The following COBL variants were observed in gnomAD, a reference collection of about 807,000 sequenced individuals.
The protein encoded by COBL is cordon-bleu WH2 repeat protein, also known as protein cordon-bleu.
In COBL, 51 loss-of-function variants were observed where a neutral mutation model predicts 98.8. The observed-to-expected ratio is 0.52, with a 90% CI of 0.41 to 0.65. The LOEUF (loss-of-function observed/expected upper bound fraction) is 0.65. Among genes scored for constraint, COBL ranks in the 30% least tolerant of loss-of-function variants. COBL has a pLI of 0.00. For synonymous variants in COBL, 634 were observed against 651.7 expected, an observed-to-expected ratio of 0.97 and a Z score of 0.41; for missense variants, 1,617 against 1,617.5, an observed-to-expected ratio of 1.00 and a Z score of 0.01.
chr7:51,073,535 T>C (rs1792770868), intron 7 of COBL: 2 of 452,694 alleles, frequency 4.4e-6, no homozygotes, highest in African/African-American at 4.0e-5. Flanking sequence ...GTTTTCTTCC[T>C]TTCCATTTAG....
chr7:51,303,319 G>A (rs1236111071), intron 1 of COBL, among the ~76,000 whole-genome samples: 2 of 152,122 alleles, frequency 1.3e-5, no homozygotes, highest in Non-Finnish European at 2.9e-5. Flanking sequence ...CCAGCCCTCT[G>A]GGAGGCCAAG....
At chr7:51,202,572 C>T (rs765001687) in intron 2 of COBL, among the ~76,000 whole-genome samples, 1 of 152,064 alleles carries the variant, frequency 6.6e-6, no homozygotes, top group Non-Finnish European at 1.5e-5. Flanking sequence ...GACTACGGTA[C>T]ATGGAAACTA....
chr7:51,305,739 T>TGA (rs1324523908), intron 1 of COBL, among the ~76,000 whole-genome samples: 1 of 152,130 alleles, frequency 6.6e-6, no homozygotes, highest in Non-Finnish European at 1.5e-5. Flanking sequence ...GCTTAAAACA[T>TGA]TGTACTCGAT....
intron 6 of COBL, among the ~76,000 whole-genome samples, chr7:51,106,853 A>G (rs751411526): frequency 1.6e-5 from 2 of 128,600 alleles, no homozygotes; most frequent in African/African-American, 2.9e-5. Flanking sequence ...AGGAGAAACA[A>G]AAGTTGCTGT....
At chr7:51,300,639 G>A (rs1302867150) in intron 1 of COBL, among the ~76,000 whole-genome samples, 1 of 152,180 alleles carries the variant, frequency 6.6e-6, no homozygotes, top group East Asian at 1.9e-4. Context: ...GCAGGAACGC[G>A]GTCTGGGGCT....
chr7:51,137,587 T>TAAA (rs35391666), intron 5 of COBL, among the ~76,000 whole-genome samples: 4 of 145,616 alleles, frequency 2.7e-5, no homozygotes, highest in Non-Finnish European at 6.0e-5. Flanking sequence ...CCCACTTCTT[T>TAAA]AAAAAAAAAA....
chr7:51,159,938 G>A (rs1356587078), intron 5 of COBL, among the ~76,000 whole-genome samples: 2 of 152,156 alleles, frequency 1.3e-5, no homozygotes, highest in Non-Finnish European at 2.9e-5. Context: ...TGTTGCCCAG[G>A]CTGGAGTGCA....
chr7:51,286,135 A>G (rs926404792), intron 1 of COBL, among the ~76,000 whole-genome samples: 2 of 152,196 alleles, frequency 1.3e-5, no homozygotes, highest in Admixed American at 1.3e-4. Flanking sequence ...ATGGAAAAGT[A>G]AAGGTATAAA....
rs760161537 is a variant in COBL, at chr7:51,029,564, G to C, written c.1532C>G (p.Thr511Ser). 1 of 1,603,574 alleles carries C rather than the reference G, an allele frequency of 6.2e-7. No individual in the cohort carries two copies. Among genetic ancestry groups the C allele is most frequent in the African/African-American group, 1.3e-5 (1 of 74,858 alleles). Residue 511 changes from threonine (T) to serine (S), a missense_variant, in exon 10 of 13, where the codon ACC (threonine) becomes AGC (serine). Thr to Ser is a moderately conservative substitution (Grantham distance 58). Around this residue, in one of 3 missense-constraint regions of COBL, gnomAD observed 1,304 missense variants for 1,282.0 expected, o/e 1.02. Transcript: ENST00000265136. ...ATGGATGGAGCTGGTGAGGGAGCTGGTGTCTGTTTCATAGCTGTCTTCCAT... is the reference window on the plus strand; with the variant it reads ...ATGGATGGAGCTGGTGAGGGAGCTGCTGTCTGTTTCATAGCTGTCTTCCAT... ...EEMEDSYETD[T>S]SSLTSSIHGA...
intron 9 of COBL, among the ~76,000 whole-genome samples, 160 bp from the exon 10 acceptor site, chr7:51,029,751 G>A (rs1787972000): frequency 1.3e-5 from 2 of 152,196 alleles, no homozygotes; most frequent in Middle Eastern, 3.4e-3. Context: ...ATATGCCTGG[G>A]GCCAGAAGCT....
intron 5 of COBL, among the ~76,000 whole-genome samples, chr7:51,156,879 A>G (rs1444180599): frequency 1.3e-5 from 2 of 152,274 alleles, no homozygotes; most frequent in East Asian, 3.9e-4. Context: ...GGTGCCCCTA[A>G]GCTGGATTCC....
chr7:51,049,976 G>C (rs1012556119), intron 7 of COBL, among the ~76,000 whole-genome samples: 1 of 152,136 alleles, frequency 6.6e-6, no homozygotes, highest in African/African-American at 2.4e-5. Context: ...AAGTTTGCCT[G>C]TTCATTCCTT....
intron 6 of COBL, among the ~76,000 whole-genome samples, chr7:51,090,821 T>C (rs1414098042): frequency 1.3e-5 from 2 of 152,234 alleles, no homozygotes; most frequent in Non-Finnish European, 2.9e-5. Flanking sequence ...TGAAATACTA[T>C]GGATGACTGA....
Position 51,155,201 on chromosome 7 carries a change from T to C in COBL, c.784-18870A>G, listed in dbSNP as rs547339391. Reference sequence around the variant, plus strand: ...GACACAGCCAAACCAATTACCAATATATGGCTGCAAAGACAGGATCAGAAG... The same window carrying C: ...GACACAGCCAAACCAATTACCAATACATGGCTGCAAAGACAGGATCAGAAG... On this transcript the variant is annotated intron_variant, in intron 5 of 12. Coordinates refer to ENST00000265136, the MANE Select transcript of COBL (RefSeq NM_015198.5). Among the ~76,000 whole-genome samples the C allele has an allele frequency of 2.0e-5, 3 of 152,214 alleles. No homozygotes were observed. The South Asian group carries it at 6.2e-4, about 32-fold the overall frequency.
intron 1 of COBL, among the ~76,000 whole-genome samples, chr7:51,236,198 T>C (rs1455159291): frequency 1.3e-5 from 2 of 152,114 alleles, no homozygotes; most frequent in Non-Finnish European, 1.5e-5. Flanking sequence ...CCAGAGCCCT[T>C]ACAAGGAGTG....
intron 1 of COBL, among the ~76,000 whole-genome samples, chr7:51,273,391 T>G (rs1264573034): frequency 6.6e-6 from 1 of 152,178 alleles, no homozygotes; most frequent in Non-Finnish European, 1.5e-5. Context: ...CTGCATACTT[T>G]GTGAATTTTT....
At chr7:51,302,653 T>G (rs1802087488) in intron 1 of COBL, among the ~76,000 whole-genome samples, 1 of 151,420 alleles carries the variant, frequency 6.6e-6, no homozygotes, top group Non-Finnish European at 1.5e-5. Context: ...TCCCAACACT[T>G]TGGGGAGCCA....
intron 8 of COBL, chr7:51,032,434 T>A (rs775590032): frequency 6.6e-6 from 1 of 152,262 alleles, no homozygotes; most frequent in Non-Finnish European, 1.5e-5. Context: ...AGCTGAAGGT[T>A]TGTTTTCCGC....
At chr7:51,046,625 CT>C (rs989145587) in intron 7 of COBL, among the ~76,000 whole-genome samples, 4 of 151,636 alleles carry the variant, frequency 2.6e-5, no homozygotes, top group Admixed American at 6.6e-5. Context: ...GTGCAGGAGA[CT>C]TTTTTTTTCT....
Sources: gnomAD v4.1 joint callset for allele counts (sites outside exome capture counted in the v4.1 genomes callset) on GRCh38, gnomAD v4.1.1 for gene constraint, gnomAD v4.1.1 regional missense constraint, MANE v1.5 for transcripts, NCBI Gene and HGNC (gene_info 2026-07-23, HGNC 2026-07-21) for gene names.